Variants in PRLR observed in about 807,000 individuals in gnomAD.
The protein encoded by PRLR is hPRL receptor.
A neutral mutation model predicts 40.2 loss-of-function variants in PRLR; 13 were observed. That is an observed-to-expected ratio of 0.32 (90% CI 0.21 to 0.51). PRLR has a LOEUF of 0.51. PRLR is among the 20% of genes least tolerant of loss of function. PRLR has a pLI of 0.97. For missense variants in PRLR, 656 were observed against 747.3 expected (o/e 0.88, Z 1.42); for synonymous variants, 269 against 278.7 (o/e 0.97, Z 0.35).
At chr5:35,226,271 T>C (rs1244126582) in intron 1 of PRLR, among the ~76,000 whole-genome samples, 1 of 152,240 alleles carries the variant, frequency 6.6e-6, no homozygotes, top group Middle Eastern at 3.2e-3. Flanking sequence ...CATGCTGTGT[T>C]AGCAAGTAGT....
intron 1 of PRLR, among the ~76,000 whole-genome samples, chr5:35,221,928 T>G (rs1010965717): frequency 1.3e-5 from 2 of 152,218 alleles, no homozygotes; most frequent in African/African-American, 4.8e-5. Flanking sequence ...GCACTGTCCT[T>G]CAGAAGAACT....
rs572971908 is a variant in PRLR, at chr5:35,225,743, G to A, written c.-106+4525C>T. ...TTCACCCAGGCTGGAGTGCAATGGC[G>A]CAATCTTGGCTCACTGCAACCTCCG... On this transcript the variant is annotated intron_variant, in intron 1 of 9. Coordinates refer to ENST00000618457, the MANE Select transcript of PRLR (RefSeq NM_000949.7). Among the ~76,000 whole-genome samples, 5 of 152,278 alleles carry A rather than the reference G, an allele frequency of 3.3e-5. No individual in the cohort carries two copies. In the East Asian group the frequency reaches 7.7e-4, roughly 24 times the overall value.
intron 1 of PRLR, among the ~76,000 whole-genome samples, chr5:35,128,335 G>A (rs1378009125): frequency 2.0e-5 from 3 of 149,836 alleles, no homozygotes; most frequent in African/African-American, 4.9e-5. Context: ...CCACAGATGC[G>A]CAAGTCTTTG....
chr5:35,106,949 A>C (rs1478468440), intron 2 of PRLR, among the ~76,000 whole-genome samples: 2 of 152,218 alleles, frequency 1.3e-5, no homozygotes, highest in Non-Finnish European at 1.5e-5. Context: ...CATCGCACTT[A>C]TTCCAAAATT....
chr5:35,093,494 C>T (rs75445437), intron 2 of PRLR, among the ~76,000 whole-genome samples: 1,623 of 152,292 alleles, frequency 0.011, 36 homozygotes, highest in African/African-American at 0.037. Flanking sequence ...ACCTGTCCTG[C>T]TGTATCTGTT....
chr5:35,091,712 G>C (rs1431690365), intron 2 of PRLR, among the ~76,000 whole-genome samples: 1 of 152,210 alleles, frequency 6.6e-6, no homozygotes, highest in Non-Finnish European at 1.5e-5. Flanking sequence ...AGAGCCGAGA[G>C]AGGCCTTCTC....
intron 1 of PRLR, among the ~76,000 whole-genome samples, chr5:35,179,585 C>T (rs1437505435): frequency 6.6e-6 from 1 of 152,310 alleles, no homozygotes. Flanking sequence ...GATAACAGCA[C>T]CTCTCTATGT....
At chr5:35,201,342 G>A (rs959426846) in intron 1 of PRLR, among the ~76,000 whole-genome samples, 1 of 152,160 alleles carries the variant, frequency 6.6e-6, no homozygotes, top group African/African-American at 2.4e-5. Context: ...CAACATTCAA[G>A]TGATGTTGTG....
In PRLR at chr5:35,065,885, G is replaced by A. The variant is rs771178571; in HGVS notation, c.1073C>T (p.Ser358Phe). Residue 358 changes from serine (S) to phenylalanine (F), a missense_variant, in exon 10 of 10, where the codon TCC becomes TTC. Ser to Phe is a radical substitution (Grantham distance 155). Transcript: ENST00000618457. ...TTCCTCACACTTTTCAGACAAAAGG[G>A]AAGGGCTGTCACAGCTCCCCCGGCC... is the stretch of plus-strand genomic sequence containing the variant. Reference protein sequence around the residue: ...DSGRGSCDSPSLLSEKCEEPQ... With the variant: ...DSGRGSCDSPFLLSEKCEEPQ... 2 of 1,614,158 alleles carry A rather than the reference G, an allele frequency of 1.2e-6. No homozygotes were observed. The highest frequency in any genetic ancestry group is 2.2e-5 in the South Asian group (2 of 91,080).
chr5:35,138,290 C>T (rs1773918057), intron 1 of PRLR, among the ~76,000 whole-genome samples: 1 of 152,158 alleles, frequency 6.6e-6, no homozygotes, highest in South Asian at 2.1e-4. Context: ...GCAAAACAAT[C>T]CGATATACTT....
chr5:35,226,340 C>G (rs575104776), intron 1 of PRLR, among the ~76,000 whole-genome samples: 4 of 152,324 alleles, frequency 2.6e-5, no homozygotes, highest in African/African-American at 9.6e-5. Flanking sequence ...TAACCTTGGA[C>G]TAGCTCCATA....
At chr5:35,118,146 T>G (rs1395228838) in intron 1 of PRLR, 24 bp from the exon 2 acceptor site, 1 of 978,030 alleles carries the variant, frequency 1.0e-6, no homozygotes, top group African/African-American at 1.8e-5. Flanking sequence ...TGATTCATTT[T>G]AGCTCCAAGA....
chr5:35,084,332 G>A (rs1476647632), intron 5 of PRLR, 138 bp downstream of exon 5: 17 of 850,838 alleles, frequency 2.0e-5, no homozygotes, highest in Non-Finnish European at 2.9e-5. Flanking sequence ...GAACTGTTCT[G>A]TTGACAAGCA....
At chr5:35,136,110 G>A (rs1051829672) in intron 1 of PRLR, among the ~76,000 whole-genome samples, 3 of 152,208 alleles carry the variant, frequency 2.0e-5, no homozygotes, top group African/African-American at 4.8e-5. Flanking sequence ...TACGCAGAAT[G>A]AACATAGAAT....
chr5:35,081,892 G>A, intron 5 of PRLR: 1 of 193,012 alleles, frequency 5.2e-6, no homozygotes, highest in East Asian at 1.2e-4. Flanking sequence ...TTTTGGGGCT[G>A]GCATCGCCCT....
chr5:35,172,453 A>G lies in PRLR; in HGVS notation c.-105-54331T>C, dbSNP rs368346006. 5.4e-4 allele frequency among the ~76,000 whole-genome samples: 82 copies of G among 152,264 alleles called. 1 individual carries two copies. In the South Asian group the frequency reaches 0.016, roughly 30 times the overall value. On this transcript the variant is annotated intron_variant, in intron 1 of 9. Transcript: ENST00000618457. ...TGTCACCTTGGGCTGACTGAAGGTCACTGCTTCCCTCCAGATGGCCCTTTC... is the reference window on the plus strand; with the variant it reads ...TGTCACCTTGGGCTGACTGAAGGTCGCTGCTTCCCTCCAGATGGCCCTTTC...
At chr5:35,143,783 G>A (rs1382461137) in intron 1 of PRLR, among the ~76,000 whole-genome samples, 1 of 152,128 alleles carries the variant, frequency 6.6e-6, no homozygotes, top group Admixed American at 6.6e-5. Flanking sequence ...ACATGTTTAT[G>A]TATTCACGCA....
chr5:35,191,232 G>A (rs1194024458), intron 1 of PRLR, among the ~76,000 whole-genome samples: 2 of 128,236 alleles, frequency 1.6e-5, no homozygotes, highest in African/African-American at 5.8e-5. Flanking sequence ...CACTACGCCC[G>A]GCTAATTTTT....
chr5:35,050,685 T>C lies in PRLR; in HGVS notation c.1010-1277A>G, dbSNP rs187417885. Among the ~76,000 whole-genome samples, 71 of 152,344 alleles carry C rather than the reference T, an allele frequency of 4.7e-4. No individual in the cohort carries two copies. The East Asian group carries it at 0.013, about 29-fold the overall frequency. ...CACCAGTGATTTATCAGTTAAGTCC[T>C]GAGTGTAACTGAACTTTGCTCTGCC... On this transcript the variant is annotated intron_variant, in intron 8 of 8. Coordinates refer to the PRLR transcript ENST00000231423.
Sources: allele counts gnomAD v4.1 joint callset (sites outside exome capture counted in the v4.1 genomes callset), GRCh38; gene constraint gnomAD v4.1.1; transcripts MANE v1.5; gene names NCBI Gene and HGNC (gene_info 2026-07-23, HGNC 2026-07-21).